The following DOK6 variants were observed in gnomAD, a reference collection of about 807,000 sequenced individuals.
DOK6 encodes docking protein 6.
DOK6 carries 22 observed loss-of-function variants against 44.0 expected under a neutral mutation model. The observed-to-expected ratio is 0.50, with a 90% CI of 0.36 to 0.71. The LOEUF (loss-of-function observed/expected upper bound fraction) is 0.71, where lower values mean the gene tolerates loss of function less well. Among genes scored for constraint, DOK6 ranks in the 30% least tolerant of loss-of-function variants. The pLI is 0.00. For synonymous variants in DOK6, 166 were observed against 145.5 expected, an observed-to-expected ratio of 1.14 and a Z score of -1.01; for missense variants, 340 against 416.4, an observed-to-expected ratio of 0.82 and a Z score of 1.60.
intron 7 of DOK6, among the ~76,000 whole-genome samples, chr18:69,760,980 A>G (rs1256356943): frequency 1.8e-5 from 2 of 113,608 alleles, no homozygotes; most frequent in African/African-American, 7.4e-5. Context: ...GCTGCTGATC[A>G]GTTTCAGGTG....
intron 7 of DOK6, among the ~76,000 whole-genome samples, chr18:69,768,383 C>A (rs566521869): frequency 6.6e-6 from 1 of 151,832 alleles, no homozygotes; most frequent in Non-Finnish European, 1.5e-5. Context: ...TATGGCTTCT[C>A]ATATACTTCC....
chr18:69,733,515 A>G (rs1486642204), intron 5 of DOK6, among the ~76,000 whole-genome samples: 1 of 152,216 alleles, frequency 6.6e-6, no homozygotes, highest in African/African-American at 2.4e-5. Context: ...CACCTCACAT[A>G]GTCATCATTT....
chr18:69,419,349 A>G (rs773683119), intron 1 of DOK6, among the ~76,000 whole-genome samples: 46 of 152,334 alleles, frequency 3.0e-4, no homozygotes, highest in Non-Finnish European at 6.6e-4. Context: ...AAGTGTGCAG[A>G]ATACAAAATA....
At chr18:69,619,837 A>G (rs549991239) in intron 3 of DOK6, among the ~76,000 whole-genome samples, 23 of 152,224 alleles carry the variant, frequency 1.5e-4, no homozygotes, top group Admixed American at 7.2e-4. Flanking sequence ...ACACACGCAC[A>G]CATATGTATA....
At chr18:69,708,657 C>T (rs572344936) in intron 5 of DOK6, among the ~76,000 whole-genome samples, 21 of 151,864 alleles carry the variant, frequency 1.4e-4, no homozygotes, top group South Asian at 4.2e-4. Context: ...TGGTGGCGGA[C>T]GCCAGTGTCC....
At chr18:69,543,582 T>C (rs993709459) in intron 1 of DOK6, among the ~76,000 whole-genome samples, 3 of 151,570 alleles carry the variant, frequency 2.0e-5, no homozygotes, top group Non-Finnish European at 4.4e-5. Context: ...TTTAAACCAA[T>C]ACATTAATAT....
chr18:69,456,994 A>G (rs1352333130), intron 1 of DOK6, among the ~76,000 whole-genome samples: 1 of 151,862 alleles, frequency 6.6e-6, no homozygotes, highest in African/African-American at 2.4e-5. Context: ...TAATGGGGTT[A>G]TTTGATTTTT....
intron 5 of DOK6, among the ~76,000 whole-genome samples, chr18:69,708,300 C>T (rs942699117): frequency 1.3e-5 from 2 of 152,110 alleles, no homozygotes; most frequent in East Asian, 3.9e-4. Context: ...TCTGAGCAAT[C>T]GTGGTTTGAA....
intron 3 of DOK6, among the ~76,000 whole-genome samples, chr18:69,639,302 C>T (rs1984884447): frequency 6.6e-6 from 1 of 152,172 alleles, no homozygotes; most frequent in South Asian, 2.1e-4. Flanking sequence ...CCTCTGCTCT[C>T]TTAGAGAAAA....
intron 1 of DOK6, among the ~76,000 whole-genome samples, chr18:69,559,012 A>G (rs1982760856): frequency 6.6e-6 from 1 of 152,174 alleles, no homozygotes; most frequent in African/African-American, 2.4e-5. Context: ...TAAGGGCTTC[A>G]ACTTGGTAAA....
intron 1 of DOK6, among the ~76,000 whole-genome samples, chr18:69,555,028 C>A (rs1982653700): frequency 6.6e-6 from 1 of 152,096 alleles, no homozygotes; most frequent in Admixed American, 6.6e-5. Flanking sequence ...ACCCATTTAA[C>A]AGTTACGTGT....
chr18:69,829,254 TAA>T (rs34565909), intron 7 of DOK6, among the ~76,000 whole-genome samples: 23 of 148,580 alleles, frequency 1.5e-4, no homozygotes, highest in East Asian at 2.0e-4. Flanking sequence ...GTTCCTTAAT[TAA>T]AAAAAAAAAA....
Position 69,506,598 on chromosome 18 carries a change from G to A in DOK6, c.67-57889G>A, listed in dbSNP as rs78004039. On this transcript the variant is annotated intron_variant, in intron 1 of 7. Transcript: ENST00000382713. Reference sequence around the variant, plus strand: ...TCAGTGGGTCACTTCTTTTTCATTGGCAAATACTATTTCTTTAAATAGACC... The same window carrying A: ...TCAGTGGGTCACTTCTTTTTCATTGACAAATACTATTTCTTTAAATAGACC... Among the ~76,000 whole-genome samples the A allele has an allele frequency of 7.7e-3, 1,177 of 151,970 alleles. 14 individuals are homozygous for A. Among genetic ancestry groups the A allele is most frequent in the African/African-American group, 0.027 (1,099 of 41,450 alleles).
At chr18:69,417,831 A>G (rs1393034688) in intron 1 of DOK6, among the ~76,000 whole-genome samples, 1 of 151,976 alleles carries the variant, frequency 6.6e-6, no homozygotes, top group Non-Finnish European at 1.5e-5. Context: ...CATTTTTTTC[A>G]TATACCTTTG....
chr18:69,740,035 A>G (rs1978748056), intron 6 of DOK6, among the ~76,000 whole-genome samples: 1 of 152,206 alleles, frequency 6.6e-6, no homozygotes, highest in African/African-American at 2.4e-5. Context: ...CTCTTAATGC[A>G]CTTTTAACTT....
chr18:69,819,210 G>C (rs1019687760), intron 7 of DOK6, among the ~76,000 whole-genome samples: 1 of 151,946 alleles, frequency 6.6e-6, no homozygotes, highest in Non-Finnish European at 1.5e-5. Context: ...ATCCATATCA[G>C]TATCTTAATC....
At position 69,452,492 on chromosome 18, in the gene DOK6, A is replaced by G. The variant is rs1369826824; in HGVS notation, c.66+51182A>G. On this transcript the variant is annotated intron_variant, in intron 1 of 7. Coordinates refer to ENST00000382713, the MANE Select transcript of DOK6 (RefSeq NM_152721.6). ...AATTCTACCAGAGGTACAAGGAGGA[A>G]CTGGTACCATTCCTTCTGAAACTAT... Among the ~76,000 whole-genome samples the G allele has an allele frequency of 4.6e-5, 6 of 130,348 alleles. 1 individual carries two copies. Among genetic ancestry groups the G allele is most frequent in the Admixed American group, 4.1e-4 (5 of 12,226 alleles). The allele number at this position is 130,348 out of a possible 152,430, so 85.5% of individuals were successfully genotyped here.
intron 5 of DOK6, among the ~76,000 whole-genome samples, chr18:69,735,658 T>C (rs570951505): frequency 1.3e-5 from 2 of 152,376 alleles, no homozygotes; most frequent in Admixed American, 1.3e-4. Context: ...CCCCCAGGAC[T>C]GACTCAGCTA....
intron 7 of DOK6, among the ~76,000 whole-genome samples, chr18:69,824,604 T>A (rs1278546416): frequency 6.6e-6 from 1 of 152,158 alleles, no homozygotes; most frequent in Non-Finnish European, 1.5e-5. Flanking sequence ...CAAGTGATCC[T>A]CCCACCTTGG....
Sources: gnomAD v4.1 joint callset for allele counts (sites outside exome capture counted in the v4.1 genomes callset) on GRCh38, gnomAD v4.1.1 for gene constraint, MANE v1.5 for transcripts, NCBI Gene and HGNC (gene_info 2026-07-23, HGNC 2026-07-21) for gene names.